Variants in EIF3J observed in about 807,000 individuals in gnomAD.
EIF3J encodes eukaryotic translation initiation factor 3 subunit J.
In EIF3J, 15 loss-of-function variants were observed where a neutral mutation model predicts 39.0. The ratio of observed to expected loss-of-function variants is 0.38; its 90% confidence interval spans 0.26 to 0.59. The LOEUF (loss-of-function observed/expected upper bound fraction) is 0.59, where lower values mean the gene tolerates loss of function less well. EIF3J is among the 20% of genes least tolerant of loss of function. EIF3J has a pLI of 0.60. For missense variants in EIF3J, 226 were observed against 308.6 expected (o/e 0.73, Z 2.00); for synonymous variants, 98 against 112.9 (o/e 0.87, Z 0.84).
intron 2 of EIF3J, among the ~76,000 whole-genome samples, chr15:44,538,098 A>C (rs542019050): frequency 2.0e-5 from 3 of 152,212 alleles, no homozygotes; most frequent in African/African-American, 7.2e-5. Context: ...ACAGTTACTC[A>C]ACTACACACA....
chr15:44,541,822 T>C (rs928521550), intron 2 of EIF3J, among the ~76,000 whole-genome samples: 3 of 152,236 alleles, frequency 2.0e-5, no homozygotes, highest in African/African-American at 7.2e-5. Context: ...GTGACCAGTC[T>C]TGTCTCCTCT....
rs554357899 is a variant in EIF3J at position 44,537,886 on chromosome 15, G to A, written c.147+459G>A. On this transcript the variant is annotated intron_variant, in intron 2 of 7. Coordinates refer to ENST00000261868, the MANE Select transcript of EIF3J (RefSeq NM_003758.4). Reference sequence around the variant, plus strand: ...GGTCTACTTATACAGTTTGTTCGAGGGATTAGATGAGTGAAATATTGTAGT... The same window carrying A: ...GGTCTACTTATACAGTTTGTTCGAGAGATTAGATGAGTGAAATATTGTAGT... Among the ~76,000 whole-genome samples the A allele has an allele frequency of 3.9e-5, 6 of 152,276 alleles. No homozygotes were observed. In the South Asian group the frequency reaches 1.2e-3, roughly 32 times the overall value.
At chr15:44,537,695 C>A (rs2081971610) in intron 2 of EIF3J, among the ~76,000 whole-genome samples, 1 of 152,240 alleles carries the variant, frequency 6.6e-6, no homozygotes, top group Admixed American at 6.5e-5. Flanking sequence ...ACAGCATCGG[C>A]CGGGTCGGCC....
chr15:44,559,673 C>G (rs1010439889), intron 6 of EIF3J, among the ~76,000 whole-genome samples: 3 of 150,992 alleles, frequency 2.0e-5, no homozygotes, highest in African/African-American at 4.9e-5. Context: ...CGTCACTGCA[C>G]TCCAACCTGG....
chr15:44,554,681 A>G lies in EIF3J; in HGVS notation c.409+14A>G, dbSNP rs751583972. 11 of 1,545,424 alleles carry G rather than the reference A, an allele frequency of 7.1e-6. No homozygotes were observed. The Middle Eastern group carries it at 5.0e-4, about 71-fold the overall frequency. Reference sequence around the variant, plus strand: ...AGGAAACTTTTGGTAAGACGGGATTATGATTGCAATACAGTATTAAACTGT... The same window carrying G: ...AGGAAACTTTTGGTAAGACGGGATTGTGATTGCAATACAGTATTAAACTGT... On this transcript the variant is annotated intron_variant, in intron 5 of 7. Coordinates refer to ENST00000261868, the MANE Select transcript of EIF3J (RefSeq NM_003758.4).
chr15:44,544,724 A>AAT (rs2082039891), intron 2 of EIF3J, among the ~76,000 whole-genome samples: 1 of 132,430 alleles, frequency 7.6e-6, no homozygotes, highest in Non-Finnish European at 1.6e-5. Context: ...AAAAAAAAAA[A>AAT]GGTGGGAGGG....
intron 2 of EIF3J, among the ~76,000 whole-genome samples, chr15:44,550,403 C>T (rs897125553): frequency 1.3e-5 from 2 of 152,034 alleles, no homozygotes; most frequent in Non-Finnish European, 1.5e-5. Flanking sequence ...GTGATCTTCC[C>T]ACCTTAGCCT....
chr15:44,561,185 C>G lies in EIF3J; in HGVS notation c.*36C>G. 1.3e-6 allele frequency: 2 copies of G among 1,593,220 alleles called. No homozygotes were observed. Among genetic ancestry groups the G allele is most frequent in the Non-Finnish European group, 1.7e-6 (2 of 1,172,068 alleles). On this transcript the variant is annotated 3_prime_UTR_variant, in exon 8 of 8. Transcript: ENST00000261868. ...TTTCTTGGTGTCATCTTTATGTTGC[C>G]CACAATCCCTTGAACATGTAGCACA...
intron 2 of EIF3J, among the ~76,000 whole-genome samples, chr15:44,539,439 G>A (rs145858264): frequency 0.057 from 8,578 of 150,894 alleles, 421 homozygotes; most frequent in African/African-American, 0.12. Flanking sequence ...ATGGAGTCTC[G>A]CTCTGTCACC....
chr15:44,537,196 TGGC>T lies in EIF3J; in HGVS notation c.23_25del (p.Ala8?), dbSNP rs560378535. The T allele has an allele frequency of 1.6e-4, 246 of 1,564,870 alleles. No individual in the cohort carries two copies. Among genetic ancestry groups the T allele is most frequent in the East Asian group, 2.8e-4 (12 of 42,242 alleles). ...ACACACGCTCACACCCGGCTCGAGA[TGGC>T]GGCGGCGGCGGCGGCGGCGGGGGAC... On this transcript the variant is annotated start_lost and inframe_deletion, in exon 1 of 8. Transcript: ENST00000261868.
intron 4 of EIF3J, among the ~76,000 whole-genome samples, chr15:44,552,456 G>A (rs949300724): frequency 1.3e-5 from 2 of 152,094 alleles, no homozygotes; most frequent in Non-Finnish European, 1.5e-5. Context: ...TGTTGGCCGG[G>A]CTGGTCTCAA....
chr15:44,554,396 A>AAAAAC (rs1567119145), intron 4 of EIF3J, among the ~76,000 whole-genome samples, 157 bp from the exon 5 acceptor site: 1 of 151,726 alleles, frequency 6.6e-6, no homozygotes, highest in African/African-American at 2.4e-5. Context: ...AAAAAAAAAA[A>AAAAAC]AAAACTAAAG....
chr15:44,547,261 A>G (rs944637020), intron 2 of EIF3J, among the ~76,000 whole-genome samples: 7 of 151,940 alleles, frequency 4.6e-5, no homozygotes, highest in African/African-American at 1.7e-4. Context: ...TTCCTGCCTC[A>G]GCCTCCCGAG....
chr15:44,549,764 C>CAAAA (rs774290941), intron 2 of EIF3J, among the ~76,000 whole-genome samples: 156 of 11,452 alleles, frequency 0.014, 10 homozygotes, highest in African/African-American at 0.038. Context: ...GACTCCGTCT[C>CAAAA]AAAAAAAAAA....
intron 2 of EIF3J, among the ~76,000 whole-genome samples, chr15:44,537,820 C>A (rs558780438): frequency 9.2e-5 from 14 of 152,322 alleles, no homozygotes; most frequent in Admixed American, 7.8e-4. Context: ...TCTTTTCGAG[C>A]TCAAGTCAGC....
chr15:44,557,050 A>C (rs983763794), intron 5 of EIF3J, among the ~76,000 whole-genome samples: 2 of 152,230 alleles, frequency 1.3e-5, no homozygotes, highest in Non-Finnish European at 2.9e-5. Context: ...CTAAAATGAC[A>C]AATTTGTGAT....
chr15:44,560,156 A>G, intron 6 of EIF3J, 93 bp from the exon 7 acceptor site: 1 of 933,806 alleles, frequency 1.1e-6, no homozygotes, highest in Admixed American at 2.9e-5. Context: ...ACATTTTGGG[A>G]TATATAGATA....
Position 44,538,666 on chromosome 15 carries a change from C to T in EIF3J, c.147+1239C>T, listed in dbSNP as rs567896746. Among the ~76,000 whole-genome samples the T allele has an allele frequency of 2.0e-5, 3 of 152,252 alleles. No homozygotes were observed. The East Asian group carries it at 5.8e-4, about 29-fold the overall frequency. ...GCACACATTGAAGTTAATAAATCGA[C>T]TGGTTATTGTTTGAAGACACTCAGA... On this transcript the variant is annotated intron_variant, in intron 2 of 7. Coordinates refer to ENST00000261868, the MANE Select transcript of EIF3J (RefSeq NM_003758.4).
chr15:44,545,073 C>CCTCTA (rs748426264), intron 2 of EIF3J, among the ~76,000 whole-genome samples: 3 of 151,950 alleles, frequency 2.0e-5, no homozygotes, highest in Non-Finnish European at 2.9e-5. Context: ...AACCAGTATA[C>CCTCTA]CTCTAGCTGG....
Sources: gnomAD v4.1 joint callset for allele counts (sites outside exome capture counted in the v4.1 genomes callset) on GRCh38, gnomAD v4.1.1 for gene constraint, MANE v1.5 for transcripts, NCBI Gene and HGNC (gene_info 2026-07-23, HGNC 2026-07-21) for gene names.